Variants in IQCM observed in about 807,000 individuals in gnomAD.
IQCM encodes the protein IQ motif containing M, also known as IQ domain-containing protein M.
In IQCM, 45 loss-of-function variants were observed where a neutral mutation model predicts 57.6. The observed-to-expected ratio is 0.78, with a 90% CI of 0.62 to 1.00. The LOEUF (loss-of-function observed/expected upper bound fraction) is 1.00, where lower values mean the gene tolerates loss of function less well. IQCM is among the 50% of genes least tolerant of loss of function. IQCM has a pLI of 0.00. For synonymous variants in IQCM, 148 were observed against 158.9 expected (o/e 0.93, Z 0.51); for missense variants, 468 against 511.6 (o/e 0.91, Z 0.82).
intron 13 of IQCM, among the ~76,000 whole-genome samples, chr4:149,384,902 A>G (rs1473406842): frequency 1.3e-5 from 2 of 151,900 alleles, no homozygotes; most frequent in Non-Finnish European, 2.9e-5. Flanking sequence ...ATTATTATCT[A>G]TTTCTGTGGT....
chr4:149,497,688 G>T (rs1242715284), intron 12 of IQCM, among the ~76,000 whole-genome samples: 1 of 150,604 alleles, frequency 6.6e-6, no homozygotes, highest in Non-Finnish European at 1.5e-5. Context: ...AACCATATCG[G>T]TCACTTTTCC....
At chr4:149,813,380 C>T (rs1290720598) in intron 2 of IQCM, among the ~76,000 whole-genome samples, 1 of 151,836 alleles carries the variant, frequency 6.6e-6, no homozygotes, top group Non-Finnish European at 1.5e-5. Context: ...ATGGGAAGAA[C>T]AGGACAGGAG....
At chr4:149,806,481 CCCTT>C (rs1396379996) in intron 2 of IQCM, among the ~76,000 whole-genome samples, 1 of 152,000 alleles carries the variant, frequency 6.6e-6, no homozygotes, top group African/African-American at 2.4e-5. Context: ...CATCCTTCTT[CCCTT>C]CTTCTCTTTC....
chr4:149,355,096 A>G (rs142331258), intron 13 of IQCM, among the ~76,000 whole-genome samples: 2 of 152,290 alleles, frequency 1.3e-5, no homozygotes, highest in South Asian at 2.1e-4. Context: ...ACCCTATGAT[A>G]TCATAAAATA....
chr4:149,783,319 G>A (rs922578438), intron 2 of IQCM, among the ~76,000 whole-genome samples: 10 of 152,114 alleles, frequency 6.6e-5, no homozygotes, highest in Non-Finnish European at 1.2e-4. Flanking sequence ...TATGTTGCTT[G>A]TATATCTCAT....
At chr4:149,719,290 C>T (rs1430450655) in intron 5 of IQCM, among the ~76,000 whole-genome samples, 1 of 150,978 alleles carries the variant, frequency 6.6e-6, no homozygotes, top group East Asian at 2.0e-4. Context: ...GTTGCAGTGA[C>T]CCAAGACTGC....
chr4:149,639,503 C>T (rs912696547), intron 7 of IQCM, among the ~76,000 whole-genome samples: 1 of 151,842 alleles, frequency 6.6e-6, no homozygotes, highest in Admixed American at 6.6e-5. Flanking sequence ...ATCTTATCTT[C>T]TATTAGTACC....
At chr4:149,568,276 T>C (rs1359681262) in intron 9 of IQCM, among the ~76,000 whole-genome samples, 1 of 152,134 alleles carries the variant, frequency 6.6e-6, no homozygotes, top group Non-Finnish European at 1.5e-5. Context: ...AACCTATCCA[T>C]GTGCTGCCCA....
chr4:149,643,336 A>G (rs570927401), intron 7 of IQCM, among the ~76,000 whole-genome samples: 1 of 152,288 alleles, frequency 6.6e-6, no homozygotes, highest in Admixed American at 6.5e-5. Flanking sequence ...ATACCATCTA[A>G]TGGGGAAAAG....
chr4:149,696,960 A>C (rs1299009858), intron 5 of IQCM, among the ~76,000 whole-genome samples: 3 of 152,180 alleles, frequency 2.0e-5, no homozygotes, highest in African/African-American at 7.2e-5. Context: ...GTGGAACAAT[A>C]ACCCAATCTA....
intron 12 of IQCM, among the ~76,000 whole-genome samples, chr4:149,442,278 A>AT (rs1485117075): frequency 6.6e-6 from 1 of 152,058 alleles, no homozygotes; most frequent in Non-Finnish European, 1.5e-5. Flanking sequence ...CTGACAGTGA[A>AT]TCTTCATTTT....
chr4:149,428,366 T>C (rs777043966), intron 13 of IQCM, among the ~76,000 whole-genome samples: 5 of 151,810 alleles, frequency 3.3e-5, no homozygotes, highest in Non-Finnish European at 7.4e-5. Flanking sequence ...TATTGGATTA[T>C]CATGTTGTAT....
intron 11 of IQCM, among the ~76,000 whole-genome samples, chr4:149,551,792 C>G (rs1002062947): frequency 1.3e-5 from 2 of 152,098 alleles, no homozygotes; most frequent in African/African-American, 4.8e-5. Context: ...GTCTTAAAAT[C>G]TGACTCTCAC....
At chr4:149,493,729 A>G (rs568318954) in intron 12 of IQCM, among the ~76,000 whole-genome samples, 65 of 152,148 alleles carry the variant, frequency 4.3e-4, no homozygotes, top group African/African-American at 1.5e-3. Flanking sequence ...TCACCTTGCT[A>G]TGGACCTTGA....
chr4:149,798,933 G>A (rs1773358626), intron 2 of IQCM, among the ~76,000 whole-genome samples: 1 of 151,684 alleles, frequency 6.6e-6, no homozygotes, highest in African/African-American at 2.4e-5. Context: ...ATCCACACAG[G>A]AAATCAAAAA....
chr4:149,612,733 T>C (rs1755415361), intron 8 of IQCM, among the ~76,000 whole-genome samples: 2 of 152,144 alleles, frequency 1.3e-5, no homozygotes, highest in Non-Finnish European at 2.9e-5. Flanking sequence ...AAAGTAAATA[T>C]CTATGTCATT....
chr4:149,579,343 A>G (rs1024882255), intron 9 of IQCM, among the ~76,000 whole-genome samples: 1 of 151,940 alleles, frequency 6.6e-6, no homozygotes, highest in Admixed American at 6.6e-5. Context: ...CAGGGGAGAA[A>G]GCAGAAGGCC....
chr4:149,481,569 T>C (rs1047010131), intron 12 of IQCM, among the ~76,000 whole-genome samples: 9 of 151,984 alleles, frequency 5.9e-5, no homozygotes, highest in Non-Finnish European at 1.2e-4. Context: ...TGTAGGTGTG[T>C]GGATTTCTTT....
At chr4:149,814,679 T>A (rs555953389) in intron 2 of IQCM, among the ~76,000 whole-genome samples, 24 of 151,978 alleles carry the variant, frequency 1.6e-4, no homozygotes, top group Non-Finnish European at 2.9e-4. Context: ...TTAGGGACAG[T>A]TAAGATTAAT....
Sources: allele counts gnomAD v4.1 joint callset (sites outside exome capture counted in the v4.1 genomes callset), GRCh38; gene constraint gnomAD v4.1.1; transcripts MANE v1.5; gene names NCBI Gene and HGNC (gene_info 2026-07-23, HGNC 2026-07-21).